RGS9: variants seen among roughly 807,000 people sequenced by gnomAD.
RGS9 encodes regulator of G protein signaling 9, also known as regulator of G-protein signalling 9.
Under a neutral mutation model 102.0 loss-of-function variants are expected in RGS9, and 78 were observed. The observed-to-expected ratio is 0.76, with a 90% confidence interval of 0.64 to 0.92. RGS9 has a LOEUF of 0.92. Ranked by LOEUF, RGS9 falls within the 40% of genes least tolerant of loss-of-function variation. The pLI is 0.00. For missense variants in RGS9, 833 were observed against 866.1 expected (o/e 0.96, Z 0.48); for synonymous variants, 353 against 318.6 (o/e 1.11, Z -1.15).
rs1465389542 is a variant in RGS9, at chr17:65,173,337, G to A, written c.583-4395G>A. 2.0e-5 allele frequency among the ~76,000 whole-genome samples: 3 copies of A among 152,162 alleles called. No homozygotes were observed. Among genetic ancestry groups the A allele is most frequent in the African/African-American group, 7.2e-5 (3 of 41,440 alleles). On this transcript the variant is annotated intron_variant, in intron 8 of 18. Transcript: ENST00000262406. The surrounding 1 kb of genome is among the most constrained non-coding windows in gnomAD (Gnocchi z 4.8). Reference sequence around the variant, plus strand: ...AGTCTGATATTTTTGGGAAGAGAGTGAAGCTGAGAGAAGGAGGGGCAGGGG... The same window carrying A: ...AGTCTGATATTTTTGGGAAGAGAGTAAAGCTGAGAGAAGGAGGGGCAGGGG...
At chr17:65,164,903 C>T (rs568690866) in intron 7 of RGS9, among the ~76,000 whole-genome samples, 17 of 152,160 alleles carry the variant, frequency 1.1e-4, no homozygotes, top group African/African-American at 4.1e-4. Flanking sequence ...TTATTGTCAC[C>T]CTTCATTTCT....
rs3838367 is a variant in RGS9 at position 65,202,444 on chromosome 17, T to TGTGTGTGTGAGA, written c.1064+365_1064+366insTGTGTGTGAGAG. On this transcript the variant is annotated intron_variant, in intron 14 of 18. Coordinates refer to ENST00000262406, the MANE Select transcript of RGS9 (RefSeq NM_003835.4). The stretch of plus-strand genomic sequence containing the variant: ...GTGTGTGTGTGTGTGTGTGTGTGTG[T>TGTGTGTGTGAGA]GAGAGAGAGAGAGAGAGAGAGAGTG... 8.9e-3 allele frequency among the ~76,000 whole-genome samples: 1,166 copies of TGTGTGTGTGAGA among 131,686 alleles called. 22 individuals carry two copies. The highest frequency in any genetic ancestry group is 0.031 in the African/African-American group (992 of 32,472). 86.4% of individuals were successfully genotyped at this position (131,686 alleles called of 152,430 possible).
chr17:65,177,647 A>C (rs1474459086), intron 8 of RGS9, 85 bp from the exon 9 acceptor site: 2 of 1,301,508 alleles, frequency 1.5e-6, no homozygotes, highest in Non-Finnish European at 2.2e-6. Flanking sequence ...CAATCTCACA[A>C]TTGGCAGATT....
At chr17:65,149,772 T>A (rs950951723) in intron 1 of RGS9, among the ~76,000 whole-genome samples, 2 of 152,246 alleles carry the variant, frequency 1.3e-5, no homozygotes, top group East Asian at 3.8e-4. Flanking sequence ...TTAATTAAAT[T>A]CTAAGAGATT....
rs1296092355 is a variant in RGS9 at position 65,193,630 on chromosome 17, C to T, written c.834C>T (p.Thr278=). 1 of 1,613,044 alleles carries T rather than the reference C, an allele frequency of 6.2e-7. No individual in the cohort carries two copies. The highest frequency in any genetic ancestry group is 8.5e-7 in the Non-Finnish European group (1 of 1,179,046). The change falls in exon 12 of 19, where the codon ACC becomes ACT. Residue 278 remains threonine, a synonymous_variant. Transcript: ENST00000262406. ...LPSNPWITDD[T]QFWDLNAKLV... ...GCAACCCCTGGATCACCGATGACACCCAGTTCTGGGACTTAAATGCCAAAT... is the reference window on the plus strand; with the variant it reads ...GCAACCCCTGGATCACCGATGACACTCAGTTCTGGGACTTAAATGCCAAAT...
At chr17:65,148,259 C>T (rs541135100) in intron 1 of RGS9, among the ~76,000 whole-genome samples, 2 of 152,314 alleles carry the variant, frequency 1.3e-5, no homozygotes, top group South Asian at 4.1e-4. Flanking sequence ...TCCTTCTTTT[C>T]GAAAGCCAAA....
At chr17:65,202,440 T>TGA (rs1175127105) in intron 14 of RGS9, among the ~76,000 whole-genome samples, 2 of 133,778 alleles carry the variant, frequency 1.5e-5, no homozygotes, top group African/African-American at 6.0e-5. Flanking sequence ...TGTGTGTGTG[T>TGA]GTGTGAGAGA....
intron 16 of RGS9, among the ~76,000 whole-genome samples, chr17:65,209,130 C>T (rs1165857236): frequency 6.6e-6 from 1 of 152,150 alleles, no homozygotes; most frequent in African/African-American, 2.4e-5. Context: ...TGAGAATTCT[C>T]ACTATTGTGA....
Position 65,149,212 on chromosome 17 carries a change from G to C in RGS9, c.58-4210G>C, listed in dbSNP as rs151225432. On this transcript the variant is annotated intron_variant, in intron 1 of 18. Coordinates refer to ENST00000262406, the MANE Select transcript of RGS9 (RefSeq NM_003835.4). ...TGGTCTCGAACTCCTGACCTCAAGT[G>C]ATCCACCCGCCTTGGCCTCCTAAAA... Among the ~76,000 whole-genome samples the C allele has an allele frequency of 1.9e-3, 294 of 152,044 alleles. 1 individual carries two copies. Among genetic ancestry groups the C allele is most frequent in the African/African-American group, 6.5e-3 (268 of 41,404 alleles).
intron 12 of RGS9, among the ~76,000 whole-genome samples, chr17:65,194,665 A>T (rs1236003388): frequency 6.6e-6 from 1 of 152,170 alleles, no homozygotes; most frequent in South Asian, 2.1e-4. Context: ...GCAGAAACAC[A>T]GGAGAGTTCC....
chr17:65,227,513 G>T lies in RGS9; in HGVS notation c.*106G>T. On this transcript the variant is annotated 3_prime_UTR_variant, in exon 19 of 19. Transcript: ENST00000262406. ...TTGCTCGAGAACCAAAGTGCATTTGGGTGACATTTGAAGATTGGGGAGACA... is the reference window on the plus strand; with the variant it reads ...TTGCTCGAGAACCAAAGTGCATTTGTGTGACATTTGAAGATTGGGGAGACA... 2 of 1,458,246 alleles carry T rather than the reference G, an allele frequency of 1.4e-6. No homozygotes were observed. The highest frequency in any genetic ancestry group is 1.2e-5 in the South Asian group (1 of 82,024). The allele number at this position is 1,458,246 out of a possible 1,614,324, so 90.3% of individuals were successfully genotyped here. A position where few individuals can be genotyped will look rare whatever the true frequency, so the allele number is the denominator to read the frequency against.
At chr17:65,185,014 G>T (rs906417458) in intron 9 of RGS9, among the ~76,000 whole-genome samples, 1 of 151,918 alleles carries the variant, frequency 6.6e-6, no homozygotes, top group Non-Finnish European at 1.5e-5. Flanking sequence ...GGGACCACAG[G>T]CATGTACCAC....
Position 65,224,936 on chromosome 17 carries a change from C to T in RGS9, c.1408-66C>T, listed in dbSNP as rs1210979411. ...AGGGGACTAAGTTAGCAGAGGACAG[C>T]CCAGGGGCCCTGCTGGCTGGGGCCA... On this transcript the variant is annotated intron_variant, in intron 17 of 18. Transcript: ENST00000262406. The T allele has an allele frequency of 2.4e-5, 39 of 1,602,752 alleles. No homozygotes were observed. In the South Asian group the frequency reaches 3.3e-4, roughly 14 times the overall value.
rs760783717 is a variant in RGS9 at position 65,225,063 on chromosome 17, C to T, written c.1469C>T (p.Pro490Leu). 1.1e-5 allele frequency: 18 copies of T among 1,614,028 alleles called. No individual in the cohort carries two copies. The highest frequency in any genetic ancestry group is 5.5e-5 in the South Asian group (5 of 91,082). ...LTVYTGTCMPPSPSSPFSSSC... is the reference protein window; with the variant it reads ...LTVYTGTCMPLSPSSPFSSSC... ...GTGTACACCGGGACCTGCATGCCCC[C>T]GTCTCCTTCTAGCCCCTTCTCCTCC... The change falls in exon 18 of 19, where the codon CCG becomes CTG. Residue 490 changes from proline (P) to leucine (L), a missense_variant. Pro to Leu is a moderately conservative substitution (Grantham distance 98, BLOSUM62 -3). This residue lies in a region of RGS9 where 320 missense variants were observed against 276.8 expected (regional missense o/e 1.16). Coordinates refer to ENST00000262406, the MANE Select transcript of RGS9 (RefSeq NM_003835.4).
chr17:65,196,580 G>A lies in RGS9; in HGVS notation c.861-546G>A, dbSNP rs550422772. Among the ~76,000 whole-genome samples, 59 of 152,240 alleles carry A rather than the reference G, an allele frequency of 3.9e-4. 2 individuals are homozygous for A. Among genetic ancestry groups the A allele is most frequent in the Admixed American group, 2.4e-3 (37 of 15,286 alleles). On this transcript the variant is annotated intron_variant, in intron 12 of 18. Transcript: ENST00000262406. ...ATCTTAGAGGAAGCCCTGAAAGGGA[G>A]TGCAGAGATGGCAAATGGGTCTACT... is the stretch of plus-strand genomic sequence containing the variant.
At chr17:65,193,506 C>T (rs1195320484) in intron 11 of RGS9, 37 bp from the exon 12 acceptor site, 18 of 1,354,542 alleles carry the variant, frequency 1.3e-5, no homozygotes, top group South Asian at 2.3e-5. Context: ...TCTTGGGTGT[C>T]GAGCTTCTAG....
rs1307676069 is a variant in RGS9 at position 65,215,472 on chromosome 17, TTCTCTATC to T, written c.1407+4869_1407+4876del. On this transcript the variant is annotated intron_variant, in intron 17 of 18. Coordinates refer to ENST00000262406, the MANE Select transcript of RGS9 (RefSeq NM_003835.4). Reference sequence around the variant, plus strand: ...ACGGAGTTTCTCTTTCTTTCTTTCTTTCTCTATCTTTCTTTCGTTCTTTCGTTCTTTCT... The same window carrying T: ...ACGGAGTTTCTCTTTCTTTCTTTCTTTTTCTTTCGTTCTTTCGTTCTTTCT... Among the ~76,000 whole-genome samples the T allele has an allele frequency of 9.5e-3, 1,377 of 144,306 alleles. 38 individuals carry two copies. The highest frequency in any genetic ancestry group is 0.036 in the African/African-American group (1,275 of 35,456). The allele number at this position is 144,306 out of a possible 152,430, so 94.7% of individuals were successfully genotyped here. A position where few individuals can be genotyped will look rare whatever the true frequency, so the allele number is the denominator to read the frequency against.
intron 3 of RGS9, 36 bp downstream of exon 3, chr17:65,158,381 G>C (rs374683471): frequency 6.3e-7 from 1 of 1,595,708 alleles, no homozygotes; most frequent in South Asian, 1.1e-5. Flanking sequence ...ATCCGGGACA[G>C]CTTTGTGTAC....
At chr17:65,166,766 G>A (rs1158605333) in intron 7 of RGS9, among the ~76,000 whole-genome samples, 1 of 152,204 alleles carries the variant, frequency 6.6e-6, no homozygotes, top group East Asian at 1.9e-4. Context: ...GCCTCAGGCT[G>A]GTTGTGGCCC....
Sources: gnomAD v4.1 joint callset for allele counts (sites outside exome capture counted in the v4.1 genomes callset) on GRCh38, gnomAD v4.1.1 for gene constraint, gnomAD v4.1.1 regional missense constraint, Gnocchi (gnomAD v3.1) non-coding constraint, MANE v1.5 for transcripts, NCBI Gene and HGNC (gene_info 2026-07-23, HGNC 2026-07-21) for gene names.